MDGA2: variants seen among roughly 807,000 people sequenced by gnomAD.
MDGA2 encodes the protein MAM domain-containing glycosylphosphatidylinositol anchor protein 2.
In MDGA2, 40 loss-of-function variants were observed where a neutral mutation model predicts 117.8. That is an observed-to-expected ratio of 0.34 (90% CI 0.26 to 0.44). MDGA2 has a LOEUF of 0.44. MDGA2 is among the 20% of genes least tolerant of loss of function. MDGA2 has a pLI of 1.00. For missense variants in MDGA2, 1,123 were observed against 1,250.6 expected (o/e 0.90, Z 1.54); for synonymous variants, 452 against 439.0 (o/e 1.03, Z -0.37).
intron 3 of MDGA2, among the ~76,000 whole-genome samples, chr14:47,217,023 T>C (rs1886116589): frequency 6.6e-6 from 1 of 152,026 alleles, no homozygotes; most frequent in African/African-American, 2.4e-5. Flanking sequence ...GGAAAGCAAA[T>C]TACAAGTGCT....
intron 1 of MDGA2, among the ~76,000 whole-genome samples, chr14:47,567,248 T>C (rs2138813318): frequency 6.6e-6 from 1 of 152,222 alleles, no homozygotes. Flanking sequence ...CATCCAAACA[T>C]CTATCATATG....
intron 1 of MDGA2, among the ~76,000 whole-genome samples, chr14:47,574,273 C>T: frequency 6.6e-6 from 1 of 152,134 alleles, no homozygotes; most frequent in East Asian, 1.9e-4. Context: ...TTTACTACTC[C>T]TTTGCGGTCT....
intron 4 of MDGA2, among the ~76,000 whole-genome samples, chr14:47,139,855 TACACATATATATATATAC>T (rs1882638601): frequency 7.1e-6 from 1 of 141,372 alleles, no homozygotes; most frequent in South Asian, 2.2e-4. Flanking sequence ...CACATATATA[TACACATATATATATATAC>T]ACACACACAC....
At chr14:47,542,012 T>C (rs1280334484) in intron 1 of MDGA2, among the ~76,000 whole-genome samples, 2 of 152,148 alleles carry the variant, frequency 1.3e-5, no homozygotes, top group Non-Finnish European at 2.9e-5. Flanking sequence ...CTTTCCTTAC[T>C]TCGTCTAACA....
intron 1 of MDGA2, among the ~76,000 whole-genome samples, chr14:47,502,190 T>C (rs548124786): frequency 6.6e-6 from 1 of 152,142 alleles, no homozygotes; most frequent in Non-Finnish European, 1.5e-5. Flanking sequence ...TTCTGAAGCA[T>C]CCAGGAATGT....
At chr14:46,991,539 G>C (rs1887094071) in intron 8 of MDGA2, among the ~76,000 whole-genome samples, 1 of 151,960 alleles carries the variant, frequency 6.6e-6, no homozygotes, top group Non-Finnish European at 1.5e-5. Context: ...AAATTATTTG[G>C]AAATTTTATA....
intron 1 of MDGA2, among the ~76,000 whole-genome samples, chr14:47,659,912 G>A (rs1239242847): frequency 1.3e-5 from 2 of 152,122 alleles, no homozygotes; most frequent in African/African-American, 2.4e-5. Context: ...ATGCATGATG[G>A]CTCCACCATT....
At chr14:47,386,870 G>A (rs1336169958) in intron 1 of MDGA2, among the ~76,000 whole-genome samples, 8 of 152,200 alleles carry the variant, frequency 5.3e-5, no homozygotes, top group Non-Finnish European at 1.2e-4. Flanking sequence ...TGTCATCTTA[G>A]AAAGTGTCTT....
At chr14:47,448,185 C>T (rs1893166412) in intron 1 of MDGA2, among the ~76,000 whole-genome samples, 1 of 151,590 alleles carries the variant, frequency 6.6e-6, no homozygotes, top group African/African-American at 2.4e-5. Flanking sequence ...GGGTGTTGCT[C>T]TGTCACCCAG....
chr14:47,269,662 AT>A (rs1174111441), intron 2 of MDGA2, among the ~76,000 whole-genome samples: 2 of 152,156 alleles, frequency 1.3e-5, no homozygotes, highest in African/African-American at 4.8e-5. Context: ...AGACTCTAGA[AT>A]TTGGTAAGTT....
At chr14:47,393,350 T>G in intron 1 of MDGA2, among the ~76,000 whole-genome samples, 1 of 151,012 alleles carries the variant, frequency 6.6e-6, no homozygotes, top group East Asian at 2.0e-4. Context: ...AGGTTTTCAT[T>G]TTTCAAACTT....
chr14:47,504,141 T>C (rs1894461129), intron 1 of MDGA2, among the ~76,000 whole-genome samples: 1 of 152,154 alleles, frequency 6.6e-6, no homozygotes, highest in Non-Finnish European at 1.5e-5. Context: ...AAGGATCAAA[T>C]TGCTCTAAAA....
chr14:47,363,722 G>A (rs1010439396), intron 1 of MDGA2, among the ~76,000 whole-genome samples: 3 of 151,854 alleles, frequency 2.0e-5, no homozygotes, highest in African/African-American at 7.3e-5. Context: ...GGGAAAGGAA[G>A]GAACCGGAGG....
At chr14:47,346,986 AAT>A (rs1566748809) in intron 1 of MDGA2, among the ~76,000 whole-genome samples, 2 of 152,166 alleles carry the variant, frequency 1.3e-5, no homozygotes, top group Non-Finnish European at 2.9e-5. Flanking sequence ...AGATGAGACT[AAT>A]GGAAGGACAA....
chr14:46,985,102 G>A (rs888091818), intron 8 of MDGA2, among the ~76,000 whole-genome samples: 1 of 152,056 alleles, frequency 6.6e-6, no homozygotes, highest in South Asian at 2.1e-4. Flanking sequence ...TGCTCAAGCT[G>A]ATAGCTTCAG....
intron 7 of MDGA2, among the ~76,000 whole-genome samples, chr14:47,040,785 C>G (rs529717162): frequency 6.6e-6 from 1 of 152,274 alleles, no homozygotes; most frequent in Non-Finnish European, 1.5e-5. Flanking sequence ...ACCCATTTAA[C>G]CTGTCCTTGT....
At chr14:47,169,811 T>A (rs1223598141) in intron 3 of MDGA2, among the ~76,000 whole-genome samples, 1 of 152,076 alleles carries the variant, frequency 6.6e-6, no homozygotes, top group Non-Finnish European at 1.5e-5. Flanking sequence ...TTTCTCAGCT[T>A]ATTAACTAGA....
At chr14:47,084,614 C>A (rs369422426) in intron 6 of MDGA2, among the ~76,000 whole-genome samples, 1 of 151,944 alleles carries the variant, frequency 6.6e-6, no homozygotes, top group South Asian at 2.1e-4. Context: ...CCCTACTTAC[C>A]CACCCTAACC....
chr14:47,299,098 G>A (rs2139805052), intron 2 of MDGA2, among the ~76,000 whole-genome samples: 1 of 152,116 alleles, frequency 6.6e-6, no homozygotes, highest in Non-Finnish European at 1.5e-5. Flanking sequence ...ATTTTTCTTA[G>A]GATCAAAACA....
Sources: allele counts gnomAD v4.1 joint callset (sites outside exome capture counted in the v4.1 genomes callset), GRCh38; gene constraint gnomAD v4.1.1; transcripts MANE v1.5; gene names NCBI Gene and HGNC (gene_info 2026-07-23, HGNC 2026-07-21).